The following BRSK2 variants were observed in gnomAD, a reference collection of about 807,000 sequenced individuals.
The protein encoded by BRSK2 is serine/threonine-protein kinase BRSK2.
BRSK2 carries 19 observed loss-of-function variants against 83.3 expected under a neutral mutation model. The ratio of observed to expected loss-of-function variants is 0.23; its 90% confidence interval spans 0.16 to 0.33. The LOEUF (loss-of-function observed/expected upper bound fraction) is 0.33. Among genes scored for constraint, BRSK2 ranks in the 10% least tolerant of loss-of-function variants. The probability of loss-of-function intolerance (pLI) is 1.00; values close to 1 mark genes in which losing one functional copy is unlikely to be tolerated. For synonymous variants in BRSK2, 519 were observed against 435.4 expected (o/e 1.19, Z -2.39); for missense variants, 798 against 1,042.3 (o/e 0.77, Z 3.23).
rs1045945990 is a variant in BRSK2 at position 1,450,643 on chromosome 11, T to C, written c.1344T>C (p.Pro448=). 3.1e-6 allele frequency: 5 copies of C among 1,607,632 alleles called. No homozygotes were observed. Among genetic ancestry groups the C allele is most frequent in the East Asian group, 2.3e-5 (1 of 44,418 alleles). ...CCCTCCCCACCCCCAAGGGGACACC[T>C]GTCCACACGCCAAAGGAGAGCCCGG... The part of the protein sequence containing the change: ...GSPLPTPKGT[P]VHTPKESPAG... The change falls in exon 14 of 20, where the codon CCT becomes CCC. Residue 448 remains proline, a synonymous_variant. Coordinates refer to ENST00000528841, the MANE Select transcript of BRSK2 (RefSeq NM_001256627.2).
chr11:1,444,864 T>C (rs1851802337), intron 8 of BRSK2, 107 bp from the exon 9 acceptor site: 1 of 979,484 alleles, frequency 1.0e-6, no homozygotes, highest in Non-Finnish European at 1.6e-6. Flanking sequence ...CCTCACCCTC[T>C]CCTGCTCTCT....
intron 1 of BRSK2, among the ~76,000 whole-genome samples, chr11:1,393,053 G>T (rs1845829344): frequency 6.6e-6 from 1 of 152,196 alleles, no homozygotes; most frequent in Non-Finnish European, 1.5e-5. Flanking sequence ...CACCTGCAAA[G>T]GTGCTGCCTT....
At position 1,423,836 on chromosome 11, in the gene BRSK2, C is replaced by T. The variant is rs1445020370; in HGVS notation, c.92-12204C>T. ...CGTTCCGGGTGCCCCAGGCCTCCCC[C>T]GCTGAGTGTTCCCGGTGCCCCTGGG... On this transcript the variant is annotated intron_variant, in intron 1 of 19. Coordinates refer to ENST00000528841, the MANE Select transcript of BRSK2 (RefSeq NM_001256627.2). The surrounding 1 kb of genome is among the most constrained non-coding windows in gnomAD (Gnocchi z 6.5). Among the ~76,000 whole-genome samples, 9 of 151,380 alleles carry T rather than the reference C, an allele frequency of 5.9e-5. No individual in the cohort carries two copies. Among genetic ancestry groups the T allele is most frequent in the Non-Finnish European group, 1.0e-4 (7 of 67,800 alleles).
chr11:1,447,173 AG>A (rs1371799106), intron 12 of BRSK2, among the ~76,000 whole-genome samples: 1 of 152,140 alleles, frequency 6.6e-6, no homozygotes, highest in South Asian at 2.1e-4. Flanking sequence ...CGCCAGTACT[AG>A]GGGGTAGCAA....
chr11:1,410,533 C>G, intron 1 of BRSK2: 1 of 985,508 alleles, frequency 1.0e-6, no homozygotes, highest in South Asian at 4.7e-5. Flanking sequence ...AAAGGCCTCA[C>G]TGCTGAGCAC....
At chr11:1,457,077 G>T in intron 18 of BRSK2, 1 of 1,533,202 alleles carries the variant, frequency 6.5e-7, no homozygotes, top group South Asian at 1.2e-5. Flanking sequence ...TGCTGGGGCG[G>T]GGAGGGGCTG....
chr11:1,421,152 G>C (rs1848598861), intron 1 of BRSK2, among the ~76,000 whole-genome samples: 1 of 152,190 alleles, frequency 6.6e-6, no homozygotes, highest in Admixed American at 6.5e-5. Flanking sequence ...TGTGCTTTGG[G>C]TCCCAGGCTG....
At chr11:1,440,027 G>C (rs915165241) in intron 3 of BRSK2, among the ~76,000 whole-genome samples, 2 of 152,176 alleles carry the variant, frequency 1.3e-5, no homozygotes, top group Non-Finnish European at 2.9e-5. Flanking sequence ...CATGCACCAA[G>C]GTGCCACCCC....
chr11:1,447,252 C>T (rs959077054), intron 12 of BRSK2, among the ~76,000 whole-genome samples: 1 of 152,200 alleles, frequency 6.6e-6, no homozygotes, highest in Non-Finnish European at 1.5e-5. Context: ...GGCACCACAA[C>T]CTGTAGCCCA....
In BRSK2 at chr11:1,418,235, G is replaced by A. The variant is rs548151866; in HGVS notation, c.92-17805G>A. Among the ~76,000 whole-genome samples the A allele has an allele frequency of 7.6e-3, 1,129 of 148,646 alleles. 10 individuals are homozygous for A. The highest frequency in any genetic ancestry group is 0.026 in the African/African-American group (1,054 of 39,778). ...GGGCTGTTTCTTCTCTTGAGAGTGGGTCACACTGTGTCCTGCTTCTGTGGG... is the reference window on the plus strand; with the variant it reads ...GGGCTGTTTCTTCTCTTGAGAGTGGATCACACTGTGTCCTGCTTCTGTGGG... On this transcript the variant is annotated intron_variant, in intron 1 of 19. Coordinates refer to ENST00000528841, the MANE Select transcript of BRSK2 (RefSeq NM_001256627.2).
chr11:1,436,991 T>C (rs1269558221), intron 2 of BRSK2, among the ~76,000 whole-genome samples: 3 of 145,584 alleles, frequency 2.1e-5, no homozygotes, highest in Admixed American at 1.4e-4. Context: ...CTGGGGACCC[T>C]ATGGGGAGGT....
At chr11:1,427,811 G>A (rs557313079) in intron 1 of BRSK2, among the ~76,000 whole-genome samples, 42 of 152,304 alleles carry the variant, frequency 2.8e-4, no homozygotes, top group Non-Finnish European at 5.1e-4. Context: ...CCAGCTTCCA[G>A]TCCCCCATCC....
chr11:1,422,800 A>G (rs1266461331), intron 1 of BRSK2, among the ~76,000 whole-genome samples: 1 of 152,130 alleles, frequency 6.6e-6, no homozygotes, highest in African/African-American at 2.4e-5. Flanking sequence ...GCCCAGCGCC[A>G]TGTCCACTCC....
At chr11:1,453,226 C>T (rs145964784) in intron 15 of BRSK2, among the ~76,000 whole-genome samples, 249 of 152,368 alleles carry the variant, frequency 1.6e-3, no homozygotes, top group Admixed American at 2.3e-3. Context: ...CTGCCCACCA[C>T]GTGGGTGCTG....
At chr11:1,394,935 C>A (rs1193325299) in intron 1 of BRSK2, among the ~76,000 whole-genome samples, 1 of 142,336 alleles carries the variant, frequency 7.0e-6, no homozygotes. Flanking sequence ...GAGATGGGTC[C>A]TGGAGATGGG....
At chr11:1,460,390 T>G in intron 19 of BRSK2, 110 bp from the exon 20 acceptor site, 147 of 918,262 alleles carry the variant, frequency 1.6e-4, no homozygotes, top group East Asian at 3.8e-4. Context: ...TCTTCGTTCA[T>G]TTGTTTGTTT....
At chr11:1,406,824 C>T (rs537002020) in intron 1 of BRSK2, among the ~76,000 whole-genome samples, 4 of 152,314 alleles carry the variant, frequency 2.6e-5, no homozygotes, top group African/African-American at 9.6e-5. Context: ...GCCCAGGCAT[C>T]TGCTCCCTCC....
Position 1,460,821 on chromosome 11 carries a change from C to A in BRSK2, c.*98C>A. The A allele has an allele frequency of 6.7e-7, 1 of 1,495,632 alleles. No individual in the cohort carries two copies. The highest frequency in any genetic ancestry group is 8.8e-7 in the Non-Finnish European group (1 of 1,130,600). 92.6% of individuals were successfully genotyped at this position (1,495,632 alleles called of 1,614,324 possible). ...GTGGACCCGCGGCCGCGCCGCCCGT[C>A]CGTCCAGACTGTTCTCAGAGCCTGG... On this transcript the variant is annotated 3_prime_UTR_variant, in exon 20 of 20. Transcript: ENST00000528841.
chr11:1,437,054 C>T (rs1850413195), intron 2 of BRSK2, among the ~76,000 whole-genome samples: 1 of 151,766 alleles, frequency 6.6e-6, no homozygotes, highest in African/African-American at 2.4e-5. Context: ...TGGCAGGGTC[C>T]CACCCTGCCT....
Sources: gnomAD v4.1 joint callset for allele counts (sites outside exome capture counted in the v4.1 genomes callset) on GRCh38, gnomAD v4.1.1 for gene constraint, Gnocchi (gnomAD v3.1) non-coding constraint, MANE v1.5 for transcripts, NCBI Gene and HGNC (gene_info 2026-07-23, HGNC 2026-07-21) for gene names.